ROBO2: variants seen among roughly 807,000 people sequenced by gnomAD.
The protein encoded by ROBO2 is roundabout homolog 2.
Under a neutral mutation model 160.8 loss-of-function variants are expected in ROBO2, and 53 were observed. That is an observed-to-expected ratio of 0.33 (90% CI 0.26 to 0.41). The LOEUF (loss-of-function observed/expected upper bound fraction) is 0.41. Among genes scored for constraint, ROBO2 ranks in the 10% least tolerant of loss-of-function variants. The probability of loss-of-function intolerance (pLI) is 1.00; values close to 1 mark genes in which losing one functional copy is unlikely to be tolerated. For missense variants in ROBO2, 1,577 were observed against 1,722.4 expected (o/e 0.92, Z 1.49); for synonymous variants, 664 against 611.7 (o/e 1.09, Z -1.26).
At chr3:75,997,631 A>G (rs910410540) in intron 2 of ROBO2, among the ~76,000 whole-genome samples, 1 of 151,592 alleles carries the variant, frequency 6.6e-6, no homozygotes, top group African/African-American at 2.4e-5. Context: ...AGCTGGGACT[A>G]CAGGCGCCCG....
chr3:76,295,470 T>C (rs1181076714), intron 2 of ROBO2, among the ~76,000 whole-genome samples: 1 of 152,208 alleles, frequency 6.6e-6, no homozygotes, highest in African/African-American at 2.4e-5. Context: ...CAGTATGTTG[T>C]CATGGATACT....
chr3:76,198,342 A>G (rs896577187), intron 2 of ROBO2, among the ~76,000 whole-genome samples: 2 of 152,192 alleles, frequency 1.3e-5, no homozygotes, highest in Non-Finnish European at 2.9e-5. Context: ...ATTGATCAGC[A>G]TTAACATGAA....
At chr3:76,051,318 T>C (rs553319271) in intron 2 of ROBO2, among the ~76,000 whole-genome samples, 1 of 152,304 alleles carries the variant, frequency 6.6e-6, no homozygotes, top group South Asian at 2.1e-4. Flanking sequence ...AACCACCTTA[T>C]CTTACACATC....
At chr3:76,802,450 C>T (rs1019260948) in intron 2 of ROBO2, among the ~76,000 whole-genome samples, 6 of 151,974 alleles carry the variant, frequency 3.9e-5, no homozygotes, top group African/African-American at 7.2e-5. Context: ...CTTCAGAGGC[C>T]GGGCGCGGTG....
intron 20 of ROBO2, among the ~76,000 whole-genome samples, chr3:77,603,554 A>C (rs1309354219): frequency 2.6e-5 from 4 of 152,178 alleles, no homozygotes; most frequent in African/African-American, 9.7e-5. Context: ...TAATATGGGA[A>C]ATTAATATTT....
intron 2 of ROBO2, among the ~76,000 whole-genome samples, chr3:76,210,039 C>T (rs1210972332): frequency 6.6e-6 from 1 of 152,022 alleles, no homozygotes; most frequent in Non-Finnish European, 1.5e-5. Context: ...AGTCCAGTAG[C>T]ACTGGAAATA....
chr3:76,645,359 T>A (rs1013373569), intron 2 of ROBO2, among the ~76,000 whole-genome samples: 4 of 152,200 alleles, frequency 2.6e-5, no homozygotes, highest in Non-Finnish European at 5.9e-5. Context: ...CTCCGTAGGC[T>A]GTAGAATATA....
intron 2 of ROBO2, among the ~76,000 whole-genome samples, chr3:77,332,051 T>A (rs562891769): frequency 1.3e-5 from 2 of 152,304 alleles, no homozygotes; most frequent in African/African-American, 4.8e-5. Flanking sequence ...TTATAACTGT[T>A]GATATCCTTT....
At chr3:77,114,571 C>T (rs1486007447) in intron 2 of ROBO2, among the ~76,000 whole-genome samples, 1 of 152,140 alleles carries the variant, frequency 6.6e-6, no homozygotes, top group African/African-American at 2.4e-5. Context: ...TCCTCGTTCA[C>T]CTTGTGACCA....
intron 2 of ROBO2, among the ~76,000 whole-genome samples, chr3:77,144,585 C>T (rs2076975420): frequency 6.6e-6 from 1 of 152,314 alleles, no homozygotes; most frequent in African/African-American, 2.4e-5. Flanking sequence ...AAAAGATTTA[C>T]AATTTATTTA....
At chr3:77,165,837 C>T (rs1018196143) in intron 2 of ROBO2, among the ~76,000 whole-genome samples, 1 of 152,134 alleles carries the variant, frequency 6.6e-6, no homozygotes, top group Non-Finnish European at 1.5e-5. Flanking sequence ...TCTTCTGACT[C>T]CATAGAGCTG....
Position 76,310,354 on chromosome 3 carries a change from G to A in ROBO2, c.109+372752G>A, listed in dbSNP as rs563796609. ...TAACACGTTCCAGAAAGCCTTGGCC[G>A]TCTATGTTGGTATTTCCAAAAGTTT... is the stretch of plus-strand genomic sequence containing the variant. On this transcript the variant is annotated intron_variant, in intron 2 of 26. Coordinates refer to the ROBO2 transcript ENST00000487694. Among the ~76,000 whole-genome samples the A allele has an allele frequency of 3.3e-5, 5 of 152,222 alleles. No homozygotes were observed. The South Asian group carries it at 6.2e-4, about 19-fold the overall frequency.
intron 2 of ROBO2, among the ~76,000 whole-genome samples, chr3:76,445,398 A>G (rs9839047): frequency 0.63 from 95,537 of 151,976 alleles, 30,374 homozygotes; most frequent in African/African-American, 0.72. Flanking sequence ...AAATGCTGAG[A>G]CACTTAGTAA....
At chr3:76,398,677 A>G (rs932017765) in intron 2 of ROBO2, among the ~76,000 whole-genome samples, 8 of 151,752 alleles carry the variant, frequency 5.3e-5, no homozygotes, top group Non-Finnish European at 1.0e-4. Context: ...TACTAGTAGT[A>G]TATTCTAAAC....
chr3:77,247,954 T>C (rs1051254440), intron 2 of ROBO2, among the ~76,000 whole-genome samples: 1 of 152,172 alleles, frequency 6.6e-6, no homozygotes, highest in South Asian at 2.1e-4. Context: ...AGTAAGAGCT[T>C]GCATCCCTGT....
intron 2 of ROBO2, among the ~76,000 whole-genome samples, chr3:75,988,333 C>T (rs965561093): frequency 1.1e-4 from 17 of 152,022 alleles, no homozygotes; most frequent in African/African-American, 2.4e-5. Flanking sequence ...GTTCATAGTA[C>T]TCTTATAATA....
At chr3:76,976,614 C>T (rs1419766304) in intron 2 of ROBO2, among the ~76,000 whole-genome samples, 1 of 152,150 alleles carries the variant, frequency 6.6e-6, no homozygotes, top group Non-Finnish European at 1.5e-5. Flanking sequence ...AAACCTCCAG[C>T]CCACAGCAGG....
intron 2 of ROBO2, among the ~76,000 whole-genome samples, chr3:76,674,822 G>A (rs2092366394): frequency 6.6e-6 from 1 of 152,058 alleles, no homozygotes; most frequent in South Asian, 2.1e-4. Context: ...TTCACACCTA[G>A]GCTTTGTTTT....
At chr3:77,081,843 A>G (rs1183435732) in intron 1 of ROBO2, among the ~76,000 whole-genome samples, 1 of 152,166 alleles carries the variant, frequency 6.6e-6, no homozygotes, top group Non-Finnish European at 1.5e-5. Flanking sequence ...CATCCTCCCC[A>G]AACTCCAATG....
Sources: gnomAD v4.1 joint callset for allele counts (sites outside exome capture counted in the v4.1 genomes callset) on GRCh38, gnomAD v4.1.1 for gene constraint, MANE v1.5 for transcripts, NCBI Gene and HGNC (gene_info 2026-07-23, HGNC 2026-07-21) for gene names.